DIP2C: variants seen among roughly 807,000 people sequenced by gnomAD.
DIP2C encodes DIP2 acetate--CoA ligase C (putative).
Under a neutral mutation model 192.4 loss-of-function variants are expected in DIP2C, and 33 were observed. The observed-to-expected ratio is 0.17, with a 90% CI of 0.13 to 0.23. The LOEUF is 0.23. Ranked by LOEUF, DIP2C falls within the 10% of genes least tolerant of loss-of-function variation. The probability of loss-of-function intolerance (pLI) is 1.00; values close to 1 mark genes in which losing one functional copy is unlikely to be tolerated. For synonymous variants in DIP2C, 979 were observed against 864.1 expected, an observed-to-expected ratio of 1.13 and a Z score of -2.33; for missense variants, 1,537 against 2,110.1, an observed-to-expected ratio of 0.73 and a Z score of 5.32.
At chr10:475,783 C>T (rs4881336) in intron 2 of DIP2C, among the ~76,000 whole-genome samples, 135,645 of 152,212 alleles carry the variant, frequency 0.89, 62,069 homozygotes, top group East Asian at 0.99. Flanking sequence ...AGTGGCTTAA[C>T]GATATGTTCC....
chr10:434,971 T>C (rs1967060183), intron 4 of DIP2C, among the ~76,000 whole-genome samples: 1 of 152,244 alleles, frequency 6.6e-6, no homozygotes, highest in Non-Finnish European at 1.5e-5. Context: ...TTGTCGTTGT[T>C]GTTTTTACAT....
intron 14 of DIP2C, among the ~76,000 whole-genome samples, chr10:386,003 C>G (rs2132913903): frequency 6.6e-6 from 1 of 152,328 alleles, no homozygotes; most frequent in East Asian, 1.9e-4. Flanking sequence ...TCGCACCTGC[C>G]AGGGCTGCCA....
chr10:561,568 G>A (rs541620863), intron 1 of DIP2C, among the ~76,000 whole-genome samples: 15 of 152,278 alleles, frequency 9.9e-5, no homozygotes, highest in Admixed American at 6.5e-4. Context: ...GGGAACAGTC[G>A]GAACAGGATG....
chr10:431,462 T>A (rs185732613), intron 4 of DIP2C, among the ~76,000 whole-genome samples: 5 of 152,298 alleles, frequency 3.3e-5, no homozygotes, highest in Admixed American at 2.6e-4. Context: ...TAAATTATTA[T>A]TTTTAGTACA....
chr10:347,898 G>C (rs1362386637), intron 26 of DIP2C, among the ~76,000 whole-genome samples: 1 of 143,122 alleles, frequency 7.0e-6, no homozygotes, highest in East Asian at 2.1e-4. Flanking sequence ...CACGCACCCA[G>C]ACGCGTCGCG....
chr10:482,023 C>T (rs1270938830), intron 2 of DIP2C, among the ~76,000 whole-genome samples: 1 of 152,218 alleles, frequency 6.6e-6, no homozygotes, highest in African/African-American at 2.4e-5. Flanking sequence ...AGTGGTATTT[C>T]AGAGACAGGA....
intron 31 of DIP2C, chr10:311,488 CG>C: frequency 8.1e-7 from 1 of 1,230,096 alleles, no homozygotes; most frequent in Non-Finnish European, 1.0e-6. Flanking sequence ...GGCAAGGCAG[CG>C]GGGCTGGGCA....
chr10:348,006 C>T (rs565724611), intron 26 of DIP2C, among the ~76,000 whole-genome samples: 9 of 132,690 alleles, frequency 6.8e-5, no homozygotes, highest in African/African-American at 2.0e-4. Flanking sequence ...ATAGCTCTCC[C>T]GGAAACCCCA....
At chr10:557,689 TGGGGGTGGGGGCGGGGGA>T (rs1291899105) in intron 1 of DIP2C, among the ~76,000 whole-genome samples, 1 of 13,828 alleles carries the variant, frequency 7.2e-5, no homozygotes, top group Non-Finnish European at 1.2e-4. Context: ...GGGGTGGGGG[TGGGGGTGGGGGCGGGGGA>T]GGGGATGGGC....
At chr10:496,719 T>C (rs933199748) in intron 1 of DIP2C, among the ~76,000 whole-genome samples, 1 of 150,810 alleles carries the variant, frequency 6.6e-6, no homozygotes, top group Admixed American at 6.6e-5. Context: ...GAGTGCTGAG[T>C]GCATAGAACC....
intron 1 of DIP2C, among the ~76,000 whole-genome samples, chr10:593,797 A>G (rs966936807): frequency 1.3e-5 from 2 of 152,176 alleles, no homozygotes; most frequent in African/African-American, 4.8e-5. Flanking sequence ...TCTGGACAGT[A>G]AAGTCCACAA....
chr10:302,689 CTGCACACCTGGACA>C (rs1012320550), intron 32 of DIP2C, among the ~76,000 whole-genome samples: 6 of 152,184 alleles, frequency 3.9e-5, no homozygotes, highest in African/African-American at 1.4e-4. Context: ...TGCTCCCGGG[CTGCACACCTGGACA>C]ACATGTGACT....
chr10:457,221 T>C lies in DIP2C; in HGVS notation c.268+15218A>G, dbSNP rs529462512. Among the ~76,000 whole-genome samples, 6 of 152,300 alleles carry C rather than the reference T, an allele frequency of 3.9e-5. No individual in the cohort carries two copies. In the East Asian group the frequency reaches 9.6e-4, roughly 24 times the overall value. On this transcript the variant is annotated intron_variant, in intron 3 of 36. Coordinates refer to ENST00000280886, the MANE Select transcript of DIP2C (RefSeq NM_014974.3). Reference sequence around the variant, plus strand: ...AAGCTACAAGTCTATGCATCTCCTATTTTATTTTATTCTTTTTATTATTGT... The same window carrying C: ...AAGCTACAAGTCTATGCATCTCCTACTTTATTTTATTCTTTTTATTATTGT...
intron 2 of DIP2C, among the ~76,000 whole-genome samples, chr10:485,532 A>T (rs1039081361): frequency 2.0e-5 from 3 of 152,220 alleles, no homozygotes; most frequent in Non-Finnish European, 4.4e-5. Flanking sequence ...ACACGAAATG[A>T]AAACAAAACT....
At chr10:527,284 G>GAC (rs1310534924) in intron 1 of DIP2C, among the ~76,000 whole-genome samples, 10 of 152,078 alleles carry the variant, frequency 6.6e-5, no homozygotes, top group Admixed American at 3.3e-4. Flanking sequence ...CTGGCCTCCC[G>GAC]ACCCTCCCCG....
intron 36 of DIP2C, among the ~76,000 whole-genome samples, chr10:278,005 G>C (rs528426977): frequency 1.3e-5 from 2 of 152,352 alleles, no homozygotes; most frequent in South Asian, 4.1e-4. Context: ...CAGCTCTGCT[G>C]CTGAGGGCCG....
intron 1 of DIP2C, among the ~76,000 whole-genome samples, chr10:535,061 G>A (rs912984339): frequency 6.6e-6 from 1 of 152,172 alleles, no homozygotes; most frequent in Non-Finnish European, 1.5e-5. Flanking sequence ...GGGGAGGCAG[G>A]AACTGACCCC....
chr10:310,325 T>TATAAA (rs1220340289), intron 31 of DIP2C, among the ~76,000 whole-genome samples: 26 of 152,192 alleles, frequency 1.7e-4, no homozygotes, highest in Non-Finnish European at 3.7e-4. Context: ...TGACCGCCAA[T>TATAAA]ATATAAAAAT....
intron 17 of DIP2C, among the ~76,000 whole-genome samples, chr10:374,864 TA>T (rs893983992): frequency 5.3e-5 from 8 of 152,212 alleles, no homozygotes; most frequent in Admixed American, 5.2e-4. Flanking sequence ...ATCAGTACAT[TA>T]AAAAATGGCT....
Sources: gnomAD v4.1 joint callset for allele counts (sites outside exome capture counted in the v4.1 genomes callset) on GRCh38, gnomAD v4.1.1 for gene constraint, MANE v1.5 for transcripts, NCBI Gene and HGNC (gene_info 2026-07-23, HGNC 2026-07-21) for gene names.